The following GALNT17 variants were observed in gnomAD, a reference collection of about 807,000 sequenced individuals.
The protein encoded by GALNT17 is polypeptide N-acetylgalactosaminyltransferase 17, also known as UDP-GalNAc:polypeptide N-acetylgalactosaminyltransferase-like 3.
In GALNT17, 29 loss-of-function variants were observed where a neutral mutation model predicts 63.7. The ratio of observed to expected loss-of-function variants is 0.46; its 90% CI spans 0.34 to 0.62. The LOEUF (loss-of-function observed/expected upper bound fraction) is 0.62, where lower values mean the gene tolerates loss of function less well. Ranked by LOEUF, GALNT17 falls within the 20% of genes least tolerant of loss-of-function variation. The probability of loss-of-function intolerance (pLI) is 0.01; values close to 1 mark genes in which losing one functional copy is unlikely to be tolerated. For missense variants in GALNT17, 603 were observed against 799.6 expected (o/e 0.75, Z 2.97); for synonymous variants, 305 against 318.3 (o/e 0.96, Z 0.45).
Position 71,433,614 on chromosome 7 carries a change from G to T in GALNT17, c.962+12509G>T, listed in dbSNP as rs554975749. Among the ~76,000 whole-genome samples the T allele has an allele frequency of 2.8e-4, 43 of 152,258 alleles. 1 individual carries two copies. Among genetic ancestry groups the T allele is most frequent in the South Asian group, 1.5e-3 (7 of 4,820 alleles). Reference sequence around the variant, plus strand: ...TCAATTATTGGTTCACAATGGCCTGGAACGTTTCTCTCTGGTTAACCCTGA... The same window carrying T: ...TCAATTATTGGTTCACAATGGCCTGTAACGTTTCTCTCTGGTTAACCCTGA... On this transcript the variant is annotated intron_variant, in intron 5 of 10. Coordinates refer to ENST00000333538, the MANE Select transcript of GALNT17 (RefSeq NM_022479.3).
chr7:71,484,110 TA>T (rs1787868167), intron 5 of GALNT17, among the ~76,000 whole-genome samples: 1 of 152,184 alleles, frequency 6.6e-6, no homozygotes, highest in South Asian at 2.1e-4. Flanking sequence ...TTTGTATAAA[TA>T]GAAGGAACAC....
intron 10 of GALNT17, 144 bp from the exon 11 acceptor site, chr7:71,711,874 C>CTCTG: frequency 1.2e-6 from 1 of 866,462 alleles, no homozygotes. Context: ...TTGCCTCTTT[C>CTCTG]TCTGTCTCTC....
chr7:71,183,970 A>G (rs1788784045), intron 1 of GALNT17, among the ~76,000 whole-genome samples: 1 of 152,158 alleles, frequency 6.6e-6, no homozygotes, highest in African/African-American at 2.4e-5. Flanking sequence ...TACAGACCGA[A>G]TTGTCTCCCC....
At chr7:71,478,531 G>A (rs1015248261) in intron 5 of GALNT17, among the ~76,000 whole-genome samples, 2 of 152,042 alleles carry the variant, frequency 1.3e-5, no homozygotes, top group Admixed American at 6.5e-5. Flanking sequence ...GCCCAAGCTG[G>A]TCTCAAACTC....
At chr7:71,382,689 A>G (rs1391334717) in intron 2 of GALNT17, among the ~76,000 whole-genome samples, 1 of 152,104 alleles carries the variant, frequency 6.6e-6, no homozygotes, top group Non-Finnish European at 1.5e-5. Flanking sequence ...GGTTCTGATG[A>G]GGTGTGACAC....
At chr7:71,204,629 A>C (rs1003471009) in intron 1 of GALNT17, among the ~76,000 whole-genome samples, 2 of 150,484 alleles carry the variant, frequency 1.3e-5, no homozygotes, top group Non-Finnish European at 3.0e-5. Context: ...GCAGTGGCAC[A>C]ATATCAGCTC....
chr7:71,530,020 G>A (rs1406889527), intron 5 of GALNT17, among the ~76,000 whole-genome samples: 1 of 152,140 alleles, frequency 6.6e-6, no homozygotes, highest in Non-Finnish European at 1.5e-5. Flanking sequence ...GAAACAATGG[G>A]CTTTATGATT....
chr7:71,475,757 A>G (rs1051066550), intron 5 of GALNT17, among the ~76,000 whole-genome samples: 1 of 152,178 alleles, frequency 6.6e-6, no homozygotes, highest in Non-Finnish European at 1.5e-5. Context: ...AGCTTTCTCA[A>G]CAGAAAGTTA....
At chr7:71,271,740 T>G (rs186823957) in intron 1 of GALNT17, among the ~76,000 whole-genome samples, 66 of 149,148 alleles carry the variant, frequency 4.4e-4, no homozygotes, top group Non-Finnish European at 8.1e-4. Flanking sequence ...ATCACTGATC[T>G]GTTCTCTAAT....
intron 1 of GALNT17, among the ~76,000 whole-genome samples, chr7:71,134,314 C>T (rs891040142): frequency 1.3e-5 from 2 of 152,214 alleles, no homozygotes; most frequent in Non-Finnish European, 2.9e-5. Flanking sequence ...TTGTTGAAAA[C>T]AGAAATATGT....
At chr7:71,213,562 A>T (rs1260104590) in intron 1 of GALNT17, among the ~76,000 whole-genome samples, 1 of 152,208 alleles carries the variant, frequency 6.6e-6, no homozygotes, top group Non-Finnish European at 1.5e-5. Context: ...TTTACTCAGT[A>T]ACCCAGCCGT....
rs186159839 is a variant in GALNT17 at position 71,619,469 on chromosome 7, C to T, written c.1081-45942C>T. 5.4e-3 allele frequency among the ~76,000 whole-genome samples: 815 copies of T among 152,280 alleles called. 4 individuals are homozygous for T. The highest frequency in any genetic ancestry group is 0.015 in the African/African-American group (633 of 41,556). On this transcript the variant is annotated intron_variant, in intron 6 of 10. Transcript: ENST00000333538. The stretch of plus-strand genomic sequence containing the variant: ...TATTTCTGTCATCTCTGGTTTCTTT[C>T]AGCAGTGTTTTCTAGTTCTCCTTGT...
At chr7:71,503,104 A>T (rs1788206463) in intron 5 of GALNT17, among the ~76,000 whole-genome samples, 1 of 151,982 alleles carries the variant, frequency 6.6e-6, no homozygotes, top group African/African-American at 2.4e-5. Flanking sequence ...TTTCCCCATG[A>T]TTCTGTCCAC....
intron 9 of GALNT17, among the ~76,000 whole-genome samples, chr7:71,692,763 G>A (rs1010958583): frequency 8.1e-5 from 12 of 147,438 alleles, no homozygotes; most frequent in South Asian, 2.1e-4. Context: ...TTTTGAGAAG[G>A]AATCTCACTC....
At chr7:71,265,107 T>TAC (rs1790465451) in intron 1 of GALNT17, among the ~76,000 whole-genome samples, 2 of 56,420 alleles carry the variant, frequency 3.5e-5, no homozygotes, top group Non-Finnish European at 8.5e-5. Flanking sequence ...ATTATATATA[T>TAC]ATATATATAT....
At chr7:71,669,560 C>CTTT (rs563584462) in intron 7 of GALNT17, among the ~76,000 whole-genome samples, 1 of 125,030 alleles carries the variant, frequency 8.0e-6, no homozygotes, top group African/African-American at 2.9e-5. Context: ...GGCTTAAGAT[C>CTTT]TTTTTTTTTT....
intron 1 of GALNT17, among the ~76,000 whole-genome samples, chr7:71,183,026 T>C (rs1636477): frequency 0.26 from 39,682 of 152,126 alleles, 9,574 homozygotes; most frequent in African/African-American, 0.65. Context: ...GCAGGGCTGC[T>C]GGGGCATTGT....
chr7:71,377,114 A>AAAAAAAAAAATATATATATAT, intron 2 of GALNT17, among the ~76,000 whole-genome samples: 1 of 57,484 alleles, frequency 1.7e-5, no homozygotes, highest in Non-Finnish European at 3.0e-5. Flanking sequence ...AAATAAAAAA[A>AAAAAAAAAAATATATATATAT]ATATATATAT....
At chr7:71,148,751 A>G (rs1225933305) in intron 1 of GALNT17, among the ~76,000 whole-genome samples, 1 of 151,050 alleles carries the variant, frequency 6.6e-6, no homozygotes, top group African/African-American at 2.4e-5. Context: ...GTGACATGTC[A>G]TCATTTAATT....
Sources: gnomAD v4.1 joint callset for allele counts (sites outside exome capture counted in the v4.1 genomes callset) on GRCh38, gnomAD v4.1.1 for gene constraint, MANE v1.5 for transcripts, NCBI Gene and HGNC (gene_info 2026-07-23, HGNC 2026-07-21) for gene names.